Variants in KLHL29 observed in about 807,000 individuals in gnomAD.
KLHL29 encodes the protein kelch-like protein 29.
A neutral mutation model predicts 80.4 loss-of-function variants in KLHL29; 21 were observed. That is an observed-to-expected ratio of 0.26 (90% CI 0.19 to 0.38). The LOEUF (loss-of-function observed/expected upper bound fraction) is 0.38. KLHL29 is among the 10% of genes least tolerant of loss of function. KLHL29 has a pLI of 1.00. For missense variants in KLHL29, 867 were observed against 1,223.9 expected (o/e 0.71, Z 4.35); for synonymous variants, 511 against 526.8 (o/e 0.97, Z 0.41).
chr2:23,593,107 G>A lies in KLHL29; in HGVS notation c.285+30626G>A, dbSNP rs189301703. ...GAAGTAGACTAGAGATGTCCTTTGG[G>A]AAGGGGGCCACCCCAGCTCCCGGGA... is the stretch of plus-strand genomic sequence containing the variant. On this transcript the variant is annotated intron_variant, in intron 3 of 13. Transcript: ENST00000486442. Among the ~76,000 whole-genome samples the A allele has an allele frequency of 3.0e-3, 464 of 152,324 alleles. 2 individuals are homozygous for A. Among genetic ancestry groups the A allele is most frequent in the Middle Eastern group, 3.4e-3 (1 of 294 alleles).
At position 23,543,007 on chromosome 2, in the gene KLHL29, T is replaced by G. The variant is rs567374728; in HGVS notation, c.-45-19145T>G. Among the ~76,000 whole-genome samples, 16 of 152,312 alleles carry G rather than the reference T, an allele frequency of 1.1e-4. No individual in the cohort carries two copies. In the South Asian group the frequency reaches 3.3e-3, roughly 32 times the overall value. On this transcript the variant is annotated intron_variant, in intron 2 of 13. Transcript: ENST00000486442. ...ACAAACCACCCCAAACTGTAGTGGCTTAATCATGTAGCTTCCTTCTCAAGT... is the reference window on the plus strand; with the variant it reads ...ACAAACCACCCCAAACTGTAGTGGCGTAATCATGTAGCTTCCTTCTCAAGT...
intron 2 of KLHL29, among the ~76,000 whole-genome samples, chr2:23,525,726 G>GCCCCCC (rs746729913): frequency 6.6e-4 from 41 of 62,580 alleles, no homozygotes; most frequent in Non-Finnish European, 6.3e-4. Context: ...CCCAGCCCCT[G>GCCCCCC]CCCCCCCCCC....
intron 5 of KLHL29, among the ~76,000 whole-genome samples, chr2:23,678,482 C>A (rs995480654): frequency 2.0e-5 from 3 of 152,136 alleles, no homozygotes; most frequent in Admixed American, 1.3e-4. Flanking sequence ...CATGAGAGAC[C>A]ACGTGGAGCA....
intron 3 of KLHL29, among the ~76,000 whole-genome samples, chr2:23,588,828 C>G (rs1170676141): frequency 6.6e-6 from 1 of 152,160 alleles, no homozygotes; most frequent in African/African-American, 2.4e-5. Flanking sequence ...CCCACCAGCC[C>G]CCGGAAGACA....
intron 2 of KLHL29, among the ~76,000 whole-genome samples, chr2:23,477,822 T>G (rs1414741815): frequency 1.3e-5 from 2 of 152,200 alleles, no homozygotes; most frequent in Non-Finnish European, 2.9e-5. Context: ...CCAGCTCTCC[T>G]TGGATGCACC....
rs1305432035 is a variant in KLHL29, at chr2:23,385,231, G to C, written c.-703G>C. Reference sequence around the variant, plus strand: ...GAAGGGAGCATGGTCCCCGCGCCGCGGCCGCGCCAGCCCCCGCGCCGCCGC... The same window carrying C: ...GAAGGGAGCATGGTCCCCGCGCCGCCGCCGCGCCAGCCCCCGCGCCGCCGC... On this transcript the variant is annotated 5_prime_UTR_variant, in exon 1 of 14. Transcript: ENST00000486442. 6.8e-6 allele frequency: 1 copy of C among 147,330 alleles called. No homozygotes were observed. Among genetic ancestry groups the C allele is most frequent in the East Asian group, 2.0e-4 (1 of 5,018 alleles). The allele number at this position is 147,330 out of a possible 1,614,324, so 9.1% of individuals were successfully genotyped here. A position where few individuals can be genotyped will look rare whatever the true frequency, so the allele number is the denominator to read the frequency against.
intron 3 of KLHL29, among the ~76,000 whole-genome samples, chr2:23,619,168 C>T (rs1669102914): frequency 6.6e-6 from 1 of 152,224 alleles, no homozygotes; most frequent in Non-Finnish European, 1.5e-5. Context: ...TGCTCACCCC[C>T]TGCTAGAAGG....
intron 3 of KLHL29, among the ~76,000 whole-genome samples, chr2:23,571,357 C>T (rs565258572): frequency 1.3e-5 from 2 of 152,364 alleles, no homozygotes; most frequent in East Asian, 1.9e-4. Context: ...AAAGTGACCT[C>T]GTGGTCTGTA....
chr2:23,506,222 A>C (rs1665593306), intron 2 of KLHL29, among the ~76,000 whole-genome samples: 1 of 152,232 alleles, frequency 6.6e-6, no homozygotes, highest in Non-Finnish European at 1.5e-5. Flanking sequence ...AACAGGCTGG[A>C]CAGCTTGCCG....
chr2:23,545,771 C>T (rs755120436), intron 2 of KLHL29, among the ~76,000 whole-genome samples: 2 of 152,180 alleles, frequency 1.3e-5, no homozygotes, highest in Admixed American at 6.5e-5. Context: ...GTGAAAAATA[C>T]TGAGTTCCTT....
At position 23,673,211 on chromosome 2, in the gene KLHL29, TACACAG is replaced by T. The variant is rs532389999; in HGVS notation, c.941-11181_941-11176del. Among the ~76,000 whole-genome samples the T allele has an allele frequency of 4.0e-4, 57 of 143,388 alleles. No homozygotes were observed. In the East Asian group the frequency reaches 7.8e-3, roughly 20 times the overall value. 94.1% of individuals were successfully genotyped at this position (143,388 alleles called of 152,430 possible). On this transcript the variant is annotated intron_variant, in intron 5 of 13. Coordinates refer to ENST00000486442, the MANE Select transcript of KLHL29 (RefSeq NM_052920.2). ...CCACATGCTGTCTCACACACACATCTACACAGACACAGGCACAGACACACACCCACA... is the reference window on the plus strand; with the variant it reads ...CCACATGCTGTCTCACACACACATCTACACAGGCACAGACACACACCCACA...
chr2:23,420,180 G>A (rs1293810290), intron 1 of KLHL29, among the ~76,000 whole-genome samples: 3 of 152,048 alleles, frequency 2.0e-5, no homozygotes, highest in Non-Finnish European at 4.4e-5. Context: ...CGACCCTCAC[G>A]GACTCCGCAT....
At chr2:23,654,294 A>G (rs1401634017) in intron 5 of KLHL29, among the ~76,000 whole-genome samples, 1 of 152,142 alleles carries the variant, frequency 6.6e-6, no homozygotes, top group South Asian at 2.1e-4. Flanking sequence ...CCCAGTTAGC[A>G]TCCCCGGCTT....
chr2:23,501,317 T>C (rs1665428520), intron 2 of KLHL29, among the ~76,000 whole-genome samples: 1 of 151,996 alleles, frequency 6.6e-6, no homozygotes, highest in Non-Finnish European at 1.5e-5. Flanking sequence ...CTGATACAAA[T>C]TGGATTGAAC....
At chr2:23,513,298 A>G (rs968493935) in intron 2 of KLHL29, among the ~76,000 whole-genome samples, 2 of 152,208 alleles carry the variant, frequency 1.3e-5, no homozygotes, top group African/African-American at 2.4e-5. Flanking sequence ...GAGACAATGA[A>G]TAAAGGCAGA....
In KLHL29 at chr2:23,695,808, G is replaced by A. The variant is rs3795941; in HGVS notation, c.1728G>A (p.Pro576=). The A allele has an allele frequency of 5.4e-5, 83 of 1,549,046 alleles. No individual in the cohort carries two copies. The East Asian group carries it at 1.3e-3, about 24-fold the overall frequency. ...AGATGCAGACGCCCCGAACCCGGCCGCGCCTCTCTGCAGGTATGAAGGGGC... is the reference window on the plus strand; with the variant it reads ...AGATGCAGACGCCCCGAACCCGGCCACGCCTCTCTGCAGGTATGAAGGGGC... The part of the protein sequence containing the change: ...RQEMQTPRTR[P]RLSAGVAEVI... The change falls in exon 9 of 14, where the codon CCG becomes CCA. Residue 576 remains proline (P), a synonymous_variant. Coordinates refer to ENST00000486442, the MANE Select transcript of KLHL29 (RefSeq NM_052920.2). This position sits in a 1 kb window ranked among gnomAD's most constrained non-coding sequence, Gnocchi z 7.6.
At chr2:23,506,860 T>G (rs60944946) in intron 2 of KLHL29, among the ~76,000 whole-genome samples, 17,626 of 151,772 alleles carry the variant, frequency 0.12, 1,107 homozygotes, top group African/African-American at 0.15. Context: ...ATCCAGCTCT[T>G]CTGAATGCCA....
intron 3 of KLHL29, among the ~76,000 whole-genome samples, chr2:23,564,504 C>T (rs897970980): frequency 5.3e-5 from 8 of 152,236 alleles, no homozygotes; most frequent in East Asian, 1.9e-4. Flanking sequence ...TTTGATTCCC[C>T]GGATTAAGCC....
intron 7 of KLHL29, 68 bp from the exon 8 acceptor site, chr2:23,693,201 A>T: frequency 1.3e-6 from 2 of 1,488,238 alleles, no homozygotes; most frequent in Non-Finnish European, 1.8e-6. Context: ...CTAGGGTGAC[A>T]GCAATGGGAA....
Sources: allele counts gnomAD v4.1 joint callset (sites outside exome capture counted in the v4.1 genomes callset), GRCh38; gene constraint gnomAD v4.1.1; non-coding constraint Gnocchi (gnomAD v3.1); transcripts MANE v1.5; gene names NCBI Gene and HGNC (gene_info 2026-07-23, HGNC 2026-07-21).